The following TAFA2 variants were observed in gnomAD, a reference collection of about 807,000 sequenced individuals.
The protein encoded by TAFA2 is chemokine-like protein TAFA-2.
TAFA2 carries 7 observed loss-of-function variants against 18.8 expected under a neutral mutation model. That is an observed-to-expected ratio of 0.37 (90% CI 0.21 to 0.70). The LOEUF is 0.70. Ranked by LOEUF, TAFA2 falls within the 30% of genes least tolerant of loss-of-function variation. The probability of loss-of-function intolerance (pLI) is 0.53; values close to 1 mark genes in which losing one functional copy is unlikely to be tolerated. For missense variants in TAFA2, 122 were observed against 158.1 expected, an observed-to-expected ratio of 0.77 and a Z score of 1.23; for synonymous variants, 60 against 54.2, an observed-to-expected ratio of 1.11 and a Z score of -0.47.
intron 1 of TAFA2, among the ~76,000 whole-genome samples, chr12:62,065,895 C>T (rs2136795050): frequency 6.6e-6 from 1 of 152,014 alleles, no homozygotes; most frequent in African/African-American, 2.4e-5. Flanking sequence ...CCTCCAGAGC[C>T]ATACCACTTT....
rs2062626666 is a variant in TAFA2, at chr12:62,191,805, C to G, written c.-548G>C. ...ACTAAAGACTTTTCCTCTCGCCTCA[C>G]GTCGTCTCTCCCTCTCACACACACA... On this transcript the variant is annotated 5_prime_UTR_variant, in exon 1 of 5. Coordinates refer to ENST00000416284, the MANE Select transcript of TAFA2 (RefSeq NM_178539.5). 6.6e-6 allele frequency: 1 copy of G among 152,618 alleles called. No individual in the cohort carries two copies. Among genetic ancestry groups the G allele is most frequent in the Non-Finnish European group, 1.5e-5 (1 of 68,410 alleles). 9.5% of individuals were successfully genotyped at this position (152,618 alleles called of 1,614,324 possible).
chr12:61,849,387 A>G (rs967707671), intron 2 of TAFA2, among the ~76,000 whole-genome samples: 135 of 152,316 alleles, frequency 8.9e-4, no homozygotes, highest in East Asian at 1.9e-4. Flanking sequence ...ATGAACTTAC[A>G]AACTATTTAT....
At chr12:62,070,233 C>A (rs1234782431) in intron 1 of TAFA2, among the ~76,000 whole-genome samples, 7 of 152,120 alleles carry the variant, frequency 4.6e-5, no homozygotes. Flanking sequence ...AATACTGACA[C>A]AATTGGCAAC....
At chr12:62,170,655 C>A (rs2062471197) in intron 1 of TAFA2, among the ~76,000 whole-genome samples, 1 of 150,860 alleles carries the variant, frequency 6.6e-6, no homozygotes, top group African/African-American at 2.4e-5. Flanking sequence ...GGTACACATG[C>A]AGTTTTTTTA....
rs1452188100 is a variant in TAFA2 at position 61,775,060 on chromosome 12, G to GT, written c.107-20037dup. 2.0e-5 allele frequency among the ~76,000 whole-genome samples: 3 copies of GT among 151,750 alleles called. No homozygotes were observed. In the East Asian group the frequency reaches 5.9e-4, roughly 30 times the overall value. On this transcript the variant is annotated intron_variant, in intron 2 of 4. Transcript: ENST00000416284. ...ATATATGTAGGTGGCAAATAAGCCT[G>GT]TGAAAAGATGCTCCAAATCATGTGT...
intron 1 of TAFA2, among the ~76,000 whole-genome samples, chr12:61,947,436 A>G (rs1228903905): frequency 2.6e-5 from 4 of 151,902 alleles, no homozygotes; most frequent in African/African-American, 7.2e-5. Flanking sequence ...GTGCACATGT[A>G]CCCTAAAACT....
intron 1 of TAFA2, among the ~76,000 whole-genome samples, chr12:61,890,623 G>A (rs945780245): frequency 2.6e-5 from 4 of 152,168 alleles, no homozygotes; most frequent in African/African-American, 4.8e-5. Context: ...AGCTACAGGG[G>A]GTTTAGCACA....
intron 1 of TAFA2, among the ~76,000 whole-genome samples, chr12:61,972,163 G>C (rs1265179211): frequency 6.6e-6 from 1 of 151,560 alleles, no homozygotes; most frequent in Non-Finnish European, 1.5e-5. Flanking sequence ...TGTCATGGAG[G>C]TTTGTTGTAC....
intron 1 of TAFA2, among the ~76,000 whole-genome samples, chr12:62,069,217 A>G (rs568778564): frequency 1.3e-5 from 2 of 152,224 alleles, no homozygotes; most frequent in South Asian, 2.1e-4. Flanking sequence ...TAACCTTTTT[A>G]GTTTATCTGT....
In TAFA2 at chr12:61,815,220, T is replaced by C. The variant is rs1872031252; in HGVS notation, c.106+52100A>G. On this transcript the variant is annotated intron_variant, in intron 2 of 4. Coordinates refer to ENST00000416284, the MANE Select transcript of TAFA2 (RefSeq NM_178539.5). ...TTGGATTGGATCTATAAATTTTAAC[T>C]TGAACAGGTAGGTAGATAATGAAAA... 5.3e-5 allele frequency among the ~76,000 whole-genome samples: 8 copies of C among 151,424 alleles called. No homozygotes were observed. In the South Asian group the frequency reaches 1.7e-3, roughly 31 times the overall value.
chr12:61,879,637 C>T (rs1043704963), intron 1 of TAFA2: 1 of 878,514 alleles, frequency 1.1e-6, no homozygotes, highest in Non-Finnish European at 1.9e-6. Context: ...TTGCCTCCTT[C>T]ATCGACAAGG....
At chr12:62,095,872 A>G (rs1032952336) in intron 1 of TAFA2, among the ~76,000 whole-genome samples, 1 of 152,172 alleles carries the variant, frequency 6.6e-6, no homozygotes, top group African/African-American at 2.4e-5. Context: ...GTCTTTCCCC[A>G]GAAAGCCTCT....
intron 2 of TAFA2, among the ~76,000 whole-genome samples, chr12:61,772,534 CCAGGGATG>C (rs972734939): frequency 3.5e-4 from 53 of 151,994 alleles, no homozygotes; most frequent in African/African-American, 1.2e-3. Context: ...GGGTTTCATA[CCAGGGATG>C]CAGGGATGGT....
intron 1 of TAFA2, among the ~76,000 whole-genome samples, chr12:61,940,470 A>T (rs561348058): frequency 1.4e-4 from 21 of 152,348 alleles, no homozygotes; most frequent in African/African-American, 4.8e-4. Flanking sequence ...TGGGGAAGAC[A>T]GTGAGGGCTG....
At chr12:61,932,966 G>A (rs1294435702) in intron 1 of TAFA2, among the ~76,000 whole-genome samples, 1 of 152,104 alleles carries the variant, frequency 6.6e-6, no homozygotes, top group Non-Finnish European at 1.5e-5. Flanking sequence ...GCTGTCTCCT[G>A]GAAGTACGGA....
intron 4 of TAFA2, among the ~76,000 whole-genome samples, chr12:61,730,947 T>C (rs1245129921): frequency 1.3e-5 from 2 of 152,068 alleles, no homozygotes; most frequent in Non-Finnish European, 2.9e-5. Context: ...CATAGGATTC[T>C]GCCCAGGAAA....
intron 1 of TAFA2, among the ~76,000 whole-genome samples, chr12:61,903,919 GAAT>G (rs1308644090): frequency 2.0e-4 from 31 of 152,184 alleles, no homozygotes; most frequent in African/African-American, 5.8e-4. Context: ...CCAGACAATG[GAAT>G]AATAATAGTC....
intron 1 of TAFA2, among the ~76,000 whole-genome samples, chr12:62,032,129 T>C (rs74096175): frequency 0.013 from 1,924 of 152,242 alleles, 46 homozygotes; most frequent in African/African-American, 0.044. Flanking sequence ...AAGTATAGCA[T>C]GTGTAAGTCC....
At chr12:62,027,060 C>T (rs576624594) in intron 1 of TAFA2, among the ~76,000 whole-genome samples, 1 of 152,094 alleles carries the variant, frequency 6.6e-6, no homozygotes, top group Non-Finnish European at 1.5e-5. Context: ...ACTATTTCTA[C>T]AATAATTATT....
Sources: gnomAD v4.1 joint callset for allele counts (sites outside exome capture counted in the v4.1 genomes callset) on GRCh38, gnomAD v4.1.1 for gene constraint, MANE v1.5 for transcripts, NCBI Gene and HGNC (gene_info 2026-07-23, HGNC 2026-07-21) for gene names.